TMEM178B: variants seen among roughly 807,000 people sequenced by gnomAD.
The protein encoded by TMEM178B is transmembrane protein 178B.
In TMEM178B, 5 loss-of-function variants were observed where a neutral mutation model predicts 31.0. That is an observed-to-expected ratio of 0.16 (90% CI 0.08 to 0.34). The LOEUF is 0.34. TMEM178B is among the 10% of genes least tolerant of loss of function. The probability of loss-of-function intolerance (pLI) is 1.00; values close to 1 mark genes in which losing one functional copy is unlikely to be tolerated. For synonymous variants in TMEM178B, 164 were observed against 164.0 expected (o/e 1.00, Z 0.00); for missense variants, 275 against 400.3 (o/e 0.69, Z 2.67).
intron 3 of TMEM178B, among the ~76,000 whole-genome samples, chr7:141,438,693 T>TCCAAAA (rs1300542734): frequency 1.7e-4 from 5 of 29,636 alleles, no homozygotes; most frequent in African/African-American, 5.9e-4. Context: ...ACCCCGTCTC[T>TCCAAAA]ACTAAAAAAA....
At chr7:141,183,225 G>A (rs1262233237) in intron 1 of TMEM178B, among the ~76,000 whole-genome samples, 1 of 152,134 alleles carries the variant, frequency 6.6e-6, no homozygotes, top group Non-Finnish European at 1.5e-5. Flanking sequence ...CAGCAGCATG[G>A]GGTTAATAAA....
At chr7:141,326,327 T>A (rs1203473681) in intron 2 of TMEM178B, among the ~76,000 whole-genome samples, 1 of 152,240 alleles carries the variant, frequency 6.6e-6, no homozygotes, top group Non-Finnish European at 1.5e-5. Context: ...TCATGGTTCA[T>A]TTCTGAGAAT....
intron 1 of TMEM178B, among the ~76,000 whole-genome samples, chr7:141,123,007 C>T (rs895135708): frequency 1.3e-5 from 2 of 152,072 alleles, no homozygotes; most frequent in African/African-American, 4.8e-5. Context: ...AATTTCAGTC[C>T]AGTTCTACAC....
In TMEM178B at chr7:141,171,968, T is replaced by A. The variant is rs1796356889; in HGVS notation, c.383-40623T>A. 6.6e-6 allele frequency among the ~76,000 whole-genome samples: 1 copy of A among 152,204 alleles called. No homozygotes were observed. The highest frequency in any genetic ancestry group is 1.5e-5 in the Non-Finnish European group (1 of 68,022). On this transcript the variant is annotated intron_variant, in intron 1 of 3. Transcript: ENST00000565468. The surrounding 1 kb of genome is among the most constrained non-coding windows in gnomAD (Gnocchi z 4.3). ...TTGAGTACCTATTGTGTGCTAGTGC[T>A]GTGATTGCGACCATTTATTGTGTAC...
intron 1 of TMEM178B, among the ~76,000 whole-genome samples, chr7:141,101,602 C>G (rs1795057887): frequency 6.6e-6 from 1 of 152,168 alleles, no homozygotes. Flanking sequence ...TAAGTGCTTC[C>G]CTCTATTTTG....
chr7:141,113,740 A>G (rs1205634244), intron 1 of TMEM178B, among the ~76,000 whole-genome samples: 2 of 152,194 alleles, frequency 1.3e-5, no homozygotes, highest in African/African-American at 4.8e-5. Flanking sequence ...ATTACATGCC[A>G]GCACCTGCAG....
rs1339563338 is a variant in TMEM178B at position 141,074,842 on chromosome 7, G to A, written c.382+150G>A. Reference sequence around the variant, plus strand: ...CAGGCCTGGCTGAGCCTCGGGGCCAGGACTTGCCTCCCAATAGCTGTTAAT... The same window carrying A: ...CAGGCCTGGCTGAGCCTCGGGGCCAAGACTTGCCTCCCAATAGCTGTTAAT... On this transcript the variant is annotated intron_variant, in intron 1 of 3. Transcript: ENST00000565468. This position sits in a 1 kb window ranked among gnomAD's most constrained non-coding sequence, Gnocchi z 5.1. 15 of 1,117,598 alleles carry A rather than the reference G, an allele frequency of 1.3e-5. No homozygotes were observed. The East Asian group carries it at 3.9e-4, about 29-fold the overall frequency. The allele number at this position is 1,117,598 out of a possible 1,614,324, so 69.2% of individuals were successfully genotyped here. A position where few individuals can be genotyped will look rare whatever the true frequency, so the allele number is the denominator to read the frequency against.
intron 1 of TMEM178B, among the ~76,000 whole-genome samples, chr7:141,108,578 G>A (rs1247342485): frequency 1.3e-5 from 2 of 152,150 alleles, no homozygotes; most frequent in South Asian, 4.1e-4. Context: ...TGAGATGGGG[G>A]AGCAGGTGAT....
At chr7:141,386,106 G>A (rs1337836837) in intron 2 of TMEM178B, among the ~76,000 whole-genome samples, 2 of 152,304 alleles carry the variant, frequency 1.3e-5, no homozygotes, top group African/African-American at 4.8e-5. Flanking sequence ...TGAGCAGGTG[G>A]CCTCTAAAAA....
At chr7:141,436,969 C>T (rs1011747961) in intron 2 of TMEM178B, among the ~76,000 whole-genome samples, 13 of 152,124 alleles carry the variant, frequency 8.5e-5, no homozygotes, top group Non-Finnish European at 1.9e-4. Flanking sequence ...GGAAGTGTGG[C>T]TCTCCTCCTG....
intron 1 of TMEM178B, among the ~76,000 whole-genome samples, chr7:141,075,311 C>A (rs549678777): frequency 6.6e-6 from 1 of 152,162 alleles, no homozygotes; most frequent in African/African-American, 2.4e-5. Flanking sequence ...GTAGTGACTT[C>A]TGTGCATCGA....
rs1799308219 is a variant in TMEM178B, at chr7:141,332,019, C to T, written c.497-105589C>T. ...TCCCCTGTGTTCTCAGGACACTTAC[C>T]TGTACCCCTCCAGTGAGTGAGGAGA... is the stretch of plus-strand genomic sequence containing the variant. On this transcript the variant is annotated intron_variant, in intron 2 of 3. Coordinates refer to ENST00000565468, the MANE Select transcript of TMEM178B (RefSeq NM_001195278.2). Among the ~76,000 whole-genome samples, 3 of 152,298 alleles carry T rather than the reference C, an allele frequency of 2.0e-5. No homozygotes were observed. In the South Asian group the frequency reaches 6.2e-4, roughly 32 times the overall value.
chr7:141,497,872 A>C, the TMEM178B span, among the ~76,000 whole-genome samples: 1 of 152,232 alleles, frequency 6.6e-6, no homozygotes, highest in African/African-American at 2.4e-5. Context: ...TGACGGAGCA[A>C]CTACAACTCA....
intron 2 of TMEM178B, among the ~76,000 whole-genome samples, chr7:141,351,780 C>T (rs955685634): frequency 1.3e-5 from 2 of 152,130 alleles, no homozygotes; most frequent in African/African-American, 4.8e-5. Context: ...TTAGCACCCC[C>T]CAACTTCAGA....
In TMEM178B at chr7:141,474,760, CTG is replaced by C. The variant is rs1802329540; in HGVS notation, c.*3980_*3981del. ...TGATAAGATGCCGGAAATGAATGCACTGTGTGTAGCTGTCTTGATTTAGTGGG... is the reference window on the plus strand; with the variant it reads ...TGATAAGATGCCGGAAATGAATGCACTGTGTAGCTGTCTTGATTTAGTGGG... On this transcript the variant is annotated 3_prime_UTR_variant, in exon 4 of 4. Transcript: ENST00000565468. 6.6e-6 allele frequency: 1 copy of C among 152,172 alleles called. No homozygotes were observed. The highest frequency in any genetic ancestry group is 1.5e-5 in the Non-Finnish European group (1 of 68,042). 9.4% of individuals were successfully genotyped at this position (152,172 alleles called of 1,614,324 possible). A position where few individuals can be genotyped will look rare whatever the true frequency, so the allele number is the denominator to read the frequency against.
At chr7:141,079,952 C>A (rs1794656295) in intron 1 of TMEM178B, among the ~76,000 whole-genome samples, 1 of 152,278 alleles carries the variant, frequency 6.6e-6, no homozygotes, top group Non-Finnish European at 1.5e-5. Flanking sequence ...GATGTGGGAA[C>A]TCACCCACCA....
chr7:141,288,551 T>C (rs1004856033), intron 2 of TMEM178B, among the ~76,000 whole-genome samples: 1 of 152,148 alleles, frequency 6.6e-6, no homozygotes, highest in Non-Finnish European at 1.5e-5. Context: ...TTGATTGTGT[T>C]ATCCCCTCTG....
intron 2 of TMEM178B, among the ~76,000 whole-genome samples, chr7:141,250,254 G>A (rs946464453): frequency 1.3e-5 from 2 of 152,126 alleles, no homozygotes; most frequent in African/African-American, 4.8e-5. Flanking sequence ...CACCTTTACA[G>A]CACTCATGCA....
intron 3 of TMEM178B, among the ~76,000 whole-genome samples, chr7:141,453,271 G>A (rs1352665134): frequency 6.6e-6 from 1 of 152,180 alleles, no homozygotes; most frequent in African/African-American, 2.4e-5. Context: ...GACTCCGGTT[G>A]TTATTTTGCT....
Sources: gnomAD v4.1 joint callset for allele counts (sites outside exome capture counted in the v4.1 genomes callset) on GRCh38, gnomAD v4.1.1 for gene constraint, Gnocchi (gnomAD v3.1) non-coding constraint, MANE v1.5 for transcripts, NCBI Gene and HGNC (gene_info 2026-07-23, HGNC 2026-07-21) for gene names.